Variants in ABCG8 observed in about 807,000 individuals in gnomAD.
ABCG8 encodes the protein ATP-binding cassette sub-family G member 8.
In ABCG8, 81 loss-of-function variants were observed where a neutral mutation model predicts 71.3. That is an observed-to-expected ratio of 1.14 (90% confidence interval 0.95 to 1.37). ABCG8 has a LOEUF of 1.37. ABCG8 is among the 40% of genes most tolerant of loss of function. The probability of loss-of-function intolerance (pLI) is 0.00; values close to 1 mark genes in which losing one functional copy is unlikely to be tolerated. For synonymous variants in ABCG8, 451 were observed against 354.7 expected, an observed-to-expected ratio of 1.27 and a Z score of -3.05; for missense variants, 1,119 against 866.2, an observed-to-expected ratio of 1.29 and a Z score of -3.66.
chr2:43,852,244 T>C, intron 4 of ABCG8, 110 bp from the exon 5 acceptor site: 1 of 1,494,442 alleles, frequency 6.7e-7, no homozygotes, highest in Non-Finnish European at 9.2e-7. Flanking sequence ...CTGTCTCCCT[T>C]CACTTTCAAA....
At chr2:43,844,723 A>C in intron 2 of ABCG8, 115 bp downstream of exon 2, 2 of 763,330 alleles carry the variant, frequency 2.6e-6, no homozygotes, top group Non-Finnish European at 4.6e-6. Context: ...GCAAGGACAG[A>C]GTCCAGTCCA....
At chr2:43,860,093 C>G (rs1288205294) in intron 6 of ABCG8, among the ~76,000 whole-genome samples, 1 of 137,580 alleles carries the variant, frequency 7.3e-6, no homozygotes, top group Non-Finnish European at 1.6e-5. Context: ...GGACAGAACT[C>G]TGAGTATCTG....
intron 6 of ABCG8, among the ~76,000 whole-genome samples, chr2:43,862,951 C>G (rs1348103290): frequency 6.6e-6 from 1 of 151,370 alleles, no homozygotes; most frequent in African/African-American, 2.4e-5. Flanking sequence ...GGATAGAACT[C>G]TTACTATCAA....
At chr2:43,874,096 G>A in intron 9 of ABCG8, 110 bp downstream of exon 9, 2 of 1,176,330 alleles carry the variant, frequency 1.7e-6, no homozygotes, top group South Asian at 2.5e-5. Flanking sequence ...TGATATATAA[G>A]ACAATAATGT....
chr2:43,839,391 T>C (rs1345416078), intron 1 of ABCG8, among the ~76,000 whole-genome samples: 1 of 148,760 alleles, frequency 6.7e-6, no homozygotes, highest in African/African-American at 2.5e-5. Context: ...TTTTTCTTTT[T>C]TCTTTTCTTC....
chr2:43,854,752 G>A (rs1308650457), intron 6 of ABCG8, among the ~76,000 whole-genome samples: 1 of 152,112 alleles, frequency 6.6e-6, no homozygotes, highest in Non-Finnish European at 1.5e-5. Flanking sequence ...CATGGTCCTA[G>A]ACTGAGCTGG....
In ABCG8 at chr2:43,880,993, C is replaced by T. The variant is rs1670116153; in HGVS notation, c.*3080C>T. 2 of 152,336 alleles carry T rather than the reference C, an allele frequency of 1.3e-5. No individual in the cohort carries two copies. Among genetic ancestry groups the T allele is most frequent in the Admixed American group, 1.3e-4 (2 of 15,292 alleles). The allele number at this position is 152,336 out of a possible 1,614,324, so 9.4% of individuals were successfully genotyped here. On this transcript the variant is annotated 3_prime_UTR_variant, in exon 13 of 13. Transcript: ENST00000272286. The stretch of plus-strand genomic sequence containing the variant: ...GTGGCCCACCACAACTTCCCCCCAC[C>T]TCCTTGTCACTGTGGTCCCCTAATG...
chr2:43,853,850 C>T (rs1669008678), intron 6 of ABCG8, among the ~76,000 whole-genome samples: 1 of 152,174 alleles, frequency 6.6e-6, no homozygotes, highest in Admixed American at 6.5e-5. Context: ...ACACCCTCCT[C>T]CTAGTGTCCC....
intron 6 of ABCG8, among the ~76,000 whole-genome samples, chr2:43,871,538 C>T (rs1669773985): frequency 6.6e-6 from 1 of 151,918 alleles, no homozygotes; most frequent in African/African-American, 2.4e-5. Context: ...TCAGCCTCCC[C>T]CGACCAGCCC....
intron 6 of ABCG8, among the ~76,000 whole-genome samples, chr2:43,870,571 G>A (rs72798834): frequency 0.054 from 8,102 of 150,126 alleles, 249 homozygotes; most frequent in Middle Eastern, 0.12. Flanking sequence ...AATTCGCTCC[G>A]TCGTAATAGA....
chr2:43,859,082 C>T (rs72796777), intron 6 of ABCG8, among the ~76,000 whole-genome samples: 1 of 151,042 alleles, frequency 6.6e-6, no homozygotes, highest in East Asian at 1.9e-4. Flanking sequence ...CTGGATAGAA[C>T]TGTCACTCTC....
chr2:43,857,922 C>T (rs1669169336), intron 6 of ABCG8, among the ~76,000 whole-genome samples: 1 of 151,518 alleles, frequency 6.6e-6, no homozygotes, highest in Non-Finnish European at 1.5e-5. Context: ...AATTCTCACT[C>T]TCTGGATAGA....
rs771559808 is a variant in ABCG8, at chr2:43,852,305, C to T, written c.562-49C>T. The T allele has an allele frequency of 6.2e-6, 10 of 1,611,374 alleles. No individual in the cohort carries two copies. In the South Asian group the frequency reaches 9.9e-5, roughly 16 times the overall value. On this transcript the variant is annotated intron_variant, in intron 4 of 12. Coordinates refer to ENST00000272286, the MANE Select transcript of ABCG8 (RefSeq NM_022437.3). ...ATCCTTGGGGTCACAATGTGTCCAG[C>T]CCTGAAGGAGGCCCCTGAGGTGGCC...
Position 43,875,397 on chromosome 2 carries a change from G to A in ABCG8, c.1740G>A (p.Leu580=). ...TCGCCGGGGGCTTCATGATAAACTT[G>A]AGCAGCCTGTGGACAGGTAAGGCCT... ...FYLAGGFMIN[L]SSLWTVPAWI... is the part of the protein sequence containing the mutation. The change falls in exon 11 of 13, where the codon TTG becomes TTA. Residue 580 remains leucine, a synonymous_variant. Transcript: ENST00000272286. The A allele has an allele frequency of 2.5e-6, 4 of 1,613,996 alleles. No individual in the cohort carries two copies. Among genetic ancestry groups the A allele is most frequent in the Non-Finnish European group, 3.4e-6 (4 of 1,180,014 alleles).
intron 3 of ABCG8, among the ~76,000 whole-genome samples, chr2:43,848,973 G>C (rs552109467): frequency 6.7e-5 from 9 of 134,944 alleles, no homozygotes; most frequent in African/African-American, 2.2e-4. Flanking sequence ...AGTGAGCTGA[G>C]ATTGCACCAT....
At chr2:43,843,296 A>G (rs1668639209) in intron 1 of ABCG8, among the ~76,000 whole-genome samples, 2 of 152,328 alleles carry the variant, frequency 1.3e-5, no homozygotes, top group East Asian at 3.9e-4. Context: ...AGGAATGTAT[A>G]GTGTGAGAAT....
intron 4 of ABCG8, 84 bp downstream of exon 4, chr2:43,851,906 A>G: frequency 6.8e-7 from 1 of 1,478,530 alleles, no homozygotes. Flanking sequence ...GCCTTGCCTC[A>G]GGACCCAGCC....
intron 6 of ABCG8, among the ~76,000 whole-genome samples, chr2:43,868,897 C>G (rs116591542): frequency 0.023 from 3,521 of 151,782 alleles, 137 homozygotes; most frequent in African/African-American, 0.081. Context: ...AGAGCTCTCA[C>G]AGTCTGGATA....
At chr2:43,867,577 ATCTGGATAGAGC>A (rs1304804637) in intron 6 of ABCG8, among the ~76,000 whole-genome samples, 1 of 151,556 alleles carries the variant, frequency 6.6e-6, no homozygotes, top group African/African-American at 2.4e-5. Flanking sequence ...AATTCTCACC[ATCTGGATAGAGC>A]TCTCACTGTC....
Sources: gnomAD v4.1 joint callset for allele counts (sites outside exome capture counted in the v4.1 genomes callset) on GRCh38, gnomAD v4.1.1 for gene constraint, MANE v1.5 for transcripts, NCBI Gene and HGNC (gene_info 2026-07-23, HGNC 2026-07-21) for gene names.